MVD: variants seen among roughly 807,000 people sequenced by gnomAD.
MVD encodes the protein diphosphomevalonate decarboxylase.
A neutral mutation model predicts 42.4 loss-of-function variants in MVD; 52 were observed. The observed-to-expected ratio is 1.23, with a 90% CI of 0.98 to 1.55. The LOEUF is 1.55. Ranked by LOEUF, MVD falls within the 40% of genes most tolerant of loss-of-function variation. The pLI is 0.00. For missense variants in MVD, 663 were observed against 572.1 expected (o/e 1.16, Z -1.62); for synonymous variants, 287 against 243.2 (o/e 1.18, Z -1.68).
At chr16:88,662,516 G>GT (rs1908369703) in intron 1 of MVD, among the ~76,000 whole-genome samples, 1 of 152,182 alleles carries the variant, frequency 6.6e-6, no homozygotes, top group African/African-American at 2.4e-5. Context: ...GGGCCTGCGG[G>GT]CCCCCCATTA....
In MVD at chr16:88,656,608, G is replaced by A. The variant is rs528601152; in HGVS notation, c.404-304C>T. 150 of 503,758 alleles carry A rather than the reference G, an allele frequency of 3.0e-4. 2 individuals carry two copies. In the East Asian group the frequency reaches 4.7e-3, roughly 16 times the overall value. 31.2% of individuals were successfully genotyped at this position (503,758 alleles called of 1,614,324 possible). A position where few individuals can be genotyped will look rare whatever the true frequency, so the allele number is the denominator to read the frequency against. On this transcript the variant is annotated intron_variant, in intron 4 of 9. Coordinates refer to ENST00000301012, the MANE Select transcript of MVD (RefSeq NM_002461.3). Reference sequence around the variant, plus strand: ...CATGGAAGGCGGGAGAAAGGCCCCCGAGGACACCCAAGCTGGGCTTTGAGG... The same window carrying A: ...CATGGAAGGCGGGAGAAAGGCCCCCAAGGACACCCAAGCTGGGCTTTGAGG...
rs1597379242 is a variant in MVD, at chr16:88,656,209, A to C, written c.499T>G (p.Phe167Val). ...TGCTCTCCCATCTGCCACTCCACAA[A>C]GCCCCCATACAGGCTCCGGCAGGCG... ...GSACRSLYGGFVEWQMGEQAD... is the reference protein window; with the variant it reads ...GSACRSLYGGVVEWQMGEQAD... The change falls in exon 5 of 10, where the codon TTT (phenylalanine) becomes GTT (valine). Residue 167 changes from phenylalanine to valine, a missense_variant. Coordinates refer to ENST00000301012, the MANE Select transcript of MVD (RefSeq NM_002461.3). The C allele has an allele frequency of 6.2e-7, 1 of 1,601,174 alleles. No individual in the cohort carries two copies. Among genetic ancestry groups the C allele is most frequent in the African/African-American group, 1.3e-5 (1 of 74,966 alleles).
At chr16:88,653,925 T>A (rs544713951) in intron 8 of MVD, among the ~76,000 whole-genome samples, 1 of 152,030 alleles carries the variant, frequency 6.6e-6, no homozygotes, top group African/African-American at 2.4e-5. Flanking sequence ...CCCTGACCAT[T>A]AGAAGGTGTT....
In MVD at chr16:88,656,246, C is replaced by G. The variant is rs1299428954; in HGVS notation, c.462G>C (p.Arg154=). The G allele has an allele frequency of 6.3e-7, 1 of 1,599,800 alleles. No individual in the cohort carries two copies. The highest frequency in any genetic ancestry group is 8.5e-7 in the Non-Finnish European group (1 of 1,179,868). Residue 154 remains arginine, a synonymous_variant, in exon 5 of 10, where the codon CGG becomes CGC. Transcript: ENST00000301012. ...VESDLSEVAR[R]GSGSACRSLY... is the part of the protein sequence containing the mutation. ...GGCTCCGGCAGGCGCTGCCTGAGCCCCGGCGAGCCACTTCTGAGAGGTCAC... is the reference window on the plus strand; with the variant it reads ...GGCTCCGGCAGGCGCTGCCTGAGCCGCGGCGAGCCACTTCTGAGAGGTCAC...
intron 4 of MVD, chr16:88,657,209 G>A (rs1328044767): frequency 2.8e-6 from 2 of 713,028 alleles, no homozygotes; most frequent in South Asian, 3.0e-5. Context: ...AGCCTCTTAA[G>A]TACTGGGATT....
At chr16:88,653,527 G>A in intron 8 of MVD, 119 bp from the exon 9 acceptor site, 2 of 827,816 alleles carry the variant, frequency 2.4e-6, no homozygotes, top group South Asian at 3.7e-5. Context: ...GCTCAGGGAG[G>A]GGGAGACGGC....
rs1296389574 is a variant in MVD, at chr16:88,657,196, A to T, written c.403+240T>A. The stretch of plus-strand genomic sequence containing the variant: ...TCCTGGCCTACAGTGCTTCTCCCCC[A>T]TCAGCCTCTTAAGTACTGGGATTAC... On this transcript the variant is annotated intron_variant, in intron 4 of 9. Transcript: ENST00000301012. 3 of 685,670 alleles carry T rather than the reference A, an allele frequency of 4.4e-6. No individual in the cohort carries two copies. In the African/African-American group the frequency reaches 5.3e-5, roughly 12 times the overall value. 42.5% of individuals were successfully genotyped at this position (685,670 alleles called of 1,614,324 possible).
chr16:88,653,256 C>CA, intron 9 of MVD, 44 bp downstream of exon 9: 1 of 1,519,060 alleles, frequency 6.6e-7, no homozygotes, highest in African/African-American at 1.4e-5. Context: ...GCCCCCCTGG[C>CA]AGGAAAGGAA....
intron 6 of MVD, 75 bp from the exon 7 acceptor site, chr16:88,655,492 G>A: frequency 3.3e-6 from 5 of 1,521,030 alleles, no homozygotes; most frequent in Non-Finnish European, 4.4e-6. Flanking sequence ...AGACTCCGGG[G>A]TTGGAGGCCC....
chr16:88,653,320 T>G lies in MVD; in HGVS notation c.1102A>C (p.Lys368Gln). Residue 368 changes from lysine to glutamine, a missense_variant, in exon 9 of 10, where the codon AAA becomes CAA. Transcript: ENST00000301012. ...CTCACCTGAGTGACAATGATGTATT[T>G]GACCCCACCGGGGGTCGGCTCCATG... ...LAMEPTPGGV[K>Q]YIIVTQVGPG... 6.3e-7 allele frequency: 1 copy of G among 1,599,636 alleles called. No individual in the cohort carries two copies. The highest frequency in any genetic ancestry group is 8.5e-7 in the Non-Finnish European group (1 of 1,176,042).
chr16:88,655,985 C>T, intron 5 of MVD, 120 bp downstream of exon 5: 1 of 1,363,778 alleles, frequency 7.3e-7, no homozygotes. Flanking sequence ...CCTTCAGCCC[C>T]CGCTGACCCC....
At chr16:88,659,279 G>C (rs1409563237) in intron 1 of MVD, 1 of 171,792 alleles carries the variant, frequency 5.8e-6, no homozygotes, top group Non-Finnish European at 1.3e-5. Context: ...TTGTGCGAGG[G>C]GAGGTCTCTG....
chr16:88,652,552 A>G lies in MVD; in HGVS notation c.1176T>C (p.Pro392=). 6.4e-7 allele frequency: 1 copy of G among 1,572,606 alleles called. No individual in the cohort carries two copies. Among genetic ancestry groups the G allele is most frequent in the Non-Finnish European group, 8.6e-7 (1 of 1,158,920 alleles). The change falls in exon 10 of 10, where the codon CCT becomes CCC. Residue 392 remains proline (P), a synonymous_variant. Coordinates refer to ENST00000301012, the MANE Select transcript of MVD (RefSeq NM_002461.3). ...LDDPCAHLLG[P]DGLPKPAA is the part of the protein sequence containing the mutation. ...AGGCAGCTGGCTTCGGCAGGCCGTCAGGACCCAGGAGGTGGGCGCAGGGGT... is the reference window on the plus strand; with the variant it reads ...AGGCAGCTGGCTTCGGCAGGCCGTCGGGACCCAGGAGGTGGGCGCAGGGGT...
At position 88,657,631 on chromosome 16, in the gene MVD, C is replaced by T. The variant is rs751739236; in HGVS notation, c.257-49G>A. On this transcript the variant is annotated intron_variant, in intron 3 of 9. Transcript: ENST00000301012. ...GTGGCCCAGCCGTCAGCACCCTGCCCGCCCTGCTCCTGCCCACCTGCCCGG... is the reference window on the plus strand; with the variant it reads ...GTGGCCCAGCCGTCAGCACCCTGCCTGCCCTGCTCCTGCCCACCTGCCCGG... 1.0e-5 allele frequency: 16 copies of T among 1,592,298 alleles called. No individual in the cohort carries two copies. The Middle Eastern group carries it at 5.1e-4, about 51-fold the overall frequency.
Position 88,655,709 on chromosome 16 carries a change from T to A in MVD, c.625A>T (p.Thr209Ser). 9.0e-6 allele frequency: 14 copies of A among 1,559,866 alleles called. No individual in the cohort carries two copies. The highest frequency in any genetic ancestry group is 1.2e-5 in the Non-Finnish European group (14 of 1,152,000). The change falls in exon 6 of 10, where the codon ACA (threonine) becomes TCA (serine). Residue 209 changes from threonine to serine, a missense_variant. By Grantham distance (58) the Thr-to-Ser change is moderately conservative. Coordinates refer to ENST00000301012, the MANE Select transcript of MVD (RefSeq NM_002461.3). ...ILVVSAEKKL[T>S]GSTVGMRASV... ...GCCCGCATGCCCACGGTACTGCCTG[T>A]CAGCTTCTTCTCAGCGCTCACCTGC...
chr16:88,662,843 G>C (rs1184290522), intron 1 of MVD, 168 bp downstream of exon 1: 4 of 1,436,492 alleles, frequency 2.8e-6, no homozygotes, highest in Non-Finnish European at 3.6e-6. Context: ...GCGAAGGAGC[G>C]CGCGGCCCCG....
intron 7 of MVD, 74 bp from the exon 8 acceptor site, chr16:88,654,881 A>G: frequency 7.0e-7 from 1 of 1,421,592 alleles, no homozygotes; most frequent in Non-Finnish European, 9.4e-7. Flanking sequence ...CTGGTCTGCC[A>G]GGCGGCCTTG....
At chr16:88,653,566 T>A (rs1907717094) in intron 8 of MVD, 158 bp from the exon 9 acceptor site, 1 of 601,836 alleles carries the variant, frequency 1.7e-6, no homozygotes, top group Admixed American at 3.5e-5. Flanking sequence ...CAGGTTTCTT[T>A]TAGGGGTGAT....
chr16:88,655,830 CG>C, intron 5 of MVD, 100 bp from the exon 6 acceptor site: 2 of 1,397,474 alleles, frequency 1.4e-6, no homozygotes, highest in Non-Finnish European at 1.9e-6. Flanking sequence ...ATGCAGGCAG[CG>C]GGGGTGGGAG....
Sources: allele counts gnomAD v4.1 joint callset (sites outside exome capture counted in the v4.1 genomes callset), GRCh38; gene constraint gnomAD v4.1.1; transcripts MANE v1.5; gene names NCBI Gene and HGNC (gene_info 2026-07-23, HGNC 2026-07-21).